The following BICC1 variants were observed in gnomAD, a reference collection of about 807,000 sequenced individuals.
The protein encoded by BICC1 is BicC family RNA binding protein 1.
In BICC1, 43 loss-of-function variants were observed where a neutral mutation model predicts 111.0. The observed-to-expected ratio is 0.39, with a 90% CI of 0.30 to 0.50. The LOEUF (loss-of-function observed/expected upper bound fraction) is 0.50. BICC1 is among the 20% of genes least tolerant of loss of function. The pLI is 0.88. For synonymous variants in BICC1, 467 were observed against 434.4 expected (o/e 1.07, Z -0.93); for missense variants, 1,091 against 1,203.2 (o/e 0.91, Z 1.38).
rs2393502 is a variant in BICC1 at position 58,800,574 on chromosome 10, G to C, written c.1858+248G>C. ...TGTAAGTTCCTGAATTAAAGTGAAG[G>C]TAATTGTGCAGCAGAAAAGCATCAA... is the stretch of plus-strand genomic sequence containing the variant. On this transcript the variant is annotated intron_variant, in intron 13 of 20. Transcript: ENST00000373886. 0.65 allele frequency among the ~76,000 whole-genome samples: 98,358 copies of C among 152,048 alleles called. 33,149 individuals carry two copies. Among genetic ancestry groups the C allele is most frequent in the Non-Finnish European group, 0.74 (50,097 of 67,980 alleles).
chr10:58,527,960 G>T (rs576723700), intron 1 of BICC1, among the ~76,000 whole-genome samples: 1 of 151,876 alleles, frequency 6.6e-6, no homozygotes. Context: ...CTCATGTAGG[G>T]TTATGATAAC....
intron 1 of BICC1, among the ~76,000 whole-genome samples, chr10:58,532,764 C>G (rs1842715325): frequency 1.3e-5 from 2 of 151,844 alleles, no homozygotes; most frequent in African/African-American, 4.8e-5. Flanking sequence ...ATTTTCCACT[C>G]AATGGGTGCC....
intron 1 of BICC1, among the ~76,000 whole-genome samples, chr10:58,533,843 G>A (rs1203287468): frequency 1.3e-5 from 2 of 151,664 alleles, no homozygotes; most frequent in Non-Finnish European, 2.9e-5. Flanking sequence ...AAATAGAAAG[G>A]CAGCAAGAGC....
chr10:58,525,216 A>C (rs890894277), intron 1 of BICC1, among the ~76,000 whole-genome samples: 4 of 124,564 alleles, frequency 3.2e-5, no homozygotes, highest in African/African-American at 1.1e-4. Flanking sequence ...TACTGGGTAT[A>C]TACCCAAAGG....
chr10:58,724,185 G>A (rs1841025984), intron 3 of BICC1, among the ~76,000 whole-genome samples: 1 of 152,190 alleles, frequency 6.6e-6, no homozygotes. Context: ...ATGTTCTCCA[G>A]TGAGAATTAC....
chr10:58,590,514 C>A (rs1024355661), intron 1 of BICC1, among the ~76,000 whole-genome samples: 2 of 152,078 alleles, frequency 1.3e-5, no homozygotes, highest in African/African-American at 4.8e-5. Flanking sequence ...CAGTTAGTGC[C>A]AAGAAATTTG....
At chr10:58,577,865 T>C (rs1844157582) in intron 1 of BICC1, among the ~76,000 whole-genome samples, 1 of 152,248 alleles carries the variant, frequency 6.6e-6, no homozygotes, top group Non-Finnish European at 1.5e-5. Flanking sequence ...GTCAAAGAAG[T>C]ATTTCTGATT....
chr10:58,686,741 C>T (rs1161017467), intron 2 of BICC1, among the ~76,000 whole-genome samples: 1 of 152,266 alleles, frequency 6.6e-6, no homozygotes, highest in East Asian at 1.9e-4. Context: ...GTCTTCTCTA[C>T]ACTGTTTATT....
intron 2 of BICC1, among the ~76,000 whole-genome samples, chr10:58,671,027 C>T (rs1375071435): frequency 6.6e-6 from 1 of 152,154 alleles, no homozygotes; most frequent in African/African-American, 2.4e-5. Flanking sequence ...TCTCTCTCGT[C>T]TTCCCTTTTT....
chr10:58,756,731 C>T (rs1317245922), intron 3 of BICC1, among the ~76,000 whole-genome samples: 5 of 150,104 alleles, frequency 3.3e-5, no homozygotes, highest in Non-Finnish European at 7.4e-5. Flanking sequence ...GGAAGCGTAG[C>T]AGTTTAATAT....
chr10:58,543,726 T>G (rs961618480), intron 1 of BICC1, among the ~76,000 whole-genome samples: 1 of 151,828 alleles, frequency 6.6e-6, no homozygotes, highest in African/African-American at 2.4e-5. Context: ...CAGGCTAGTG[T>G]TGAACTTCTG....
chr10:58,535,413 TG>T (rs1327594634), intron 1 of BICC1, among the ~76,000 whole-genome samples: 1 of 151,506 alleles, frequency 6.6e-6, no homozygotes, highest in Admixed American at 6.6e-5. Context: ...CAGAAGAGAT[TG>T]GGGTCATTTT....
chr10:58,742,686 C>T (rs1432403783), intron 3 of BICC1, among the ~76,000 whole-genome samples: 3 of 152,068 alleles, frequency 2.0e-5, no homozygotes, highest in Non-Finnish European at 4.4e-5. Context: ...GATCTGCCCA[C>T]CTCAGCCTCC....
chr10:58,766,139 G>A (rs1163142412), intron 3 of BICC1, among the ~76,000 whole-genome samples: 1 of 152,124 alleles, frequency 6.6e-6, no homozygotes, highest in Non-Finnish European at 1.5e-5. Flanking sequence ...CAGGACAGTG[G>A]TATCACTCTC....
chr10:58,555,305 CA>C (rs550218889), intron 1 of BICC1, among the ~76,000 whole-genome samples: 1,158 of 93,780 alleles, frequency 0.012, 52 homozygotes, highest in African/African-American at 0.049. Flanking sequence ...GGCTGTTGGA[CA>C]TTTTTTTTTT....
intron 3 of BICC1, among the ~76,000 whole-genome samples, chr10:58,768,275 C>T (rs1042864301): frequency 6.6e-6 from 1 of 152,092 alleles, no homozygotes; most frequent in Non-Finnish European, 1.5e-5. Context: ...AGCAGAAATC[C>T]CACGGGTCAC....
intron 2 of BICC1, among the ~76,000 whole-genome samples, chr10:58,680,555 C>G (rs1274083186): frequency 6.6e-6 from 1 of 152,186 alleles, no homozygotes; most frequent in Non-Finnish European, 1.5e-5. Flanking sequence ...ACATTCCATG[C>G]TCATGGATAG....
chr10:58,615,218 A>G (rs950881078), intron 1 of BICC1, among the ~76,000 whole-genome samples: 6 of 152,230 alleles, frequency 3.9e-5, no homozygotes, highest in Admixed American at 3.9e-4. Flanking sequence ...TTGAGCTTTA[A>G]TATTGGCATA....
At chr10:58,535,963 A>G (rs1285019955) in intron 1 of BICC1, among the ~76,000 whole-genome samples, 1 of 150,338 alleles carries the variant, frequency 6.7e-6, no homozygotes, top group Admixed American at 6.6e-5. Flanking sequence ...AGGCAACAAT[A>G]GTAAAAAAAA....
Sources: allele counts gnomAD v4.1 joint callset (sites outside exome capture counted in the v4.1 genomes callset), GRCh38; gene constraint gnomAD v4.1.1; transcripts MANE v1.5; gene names NCBI Gene and HGNC (gene_info 2026-07-23, HGNC 2026-07-21).